The following CRISP3 variants were observed in gnomAD, a reference collection of about 807,000 sequenced individuals.
CRISP3 encodes cysteine rich secretory protein 3, also known as cysteine-rich secretory protein 3.
CRISP3 carries 33 observed loss-of-function variants against 36.1 expected under a neutral mutation model. The ratio of observed to expected loss-of-function variants is 0.91; its 90% CI spans 0.69 to 1.22. The LOEUF (loss-of-function observed/expected upper bound fraction) is 1.22. Ranked by LOEUF, CRISP3 falls within the 50% of genes most tolerant of loss-of-function variation. CRISP3 has a pLI of 0.00. For missense variants in CRISP3, 330 were observed against 301.2 expected (o/e 1.10, Z -0.71); for synonymous variants, 117 against 104.6 (o/e 1.12, Z -0.72).
intron 2 of CRISP3, among the ~76,000 whole-genome samples, chr6:49,737,108 T>C (rs1769073808): frequency 6.6e-6 from 1 of 152,150 alleles, no homozygotes; most frequent in Non-Finnish European, 1.5e-5. Context: ...AGCAAAGTCA[T>C]TTAATTAATG....
At chr6:49,742,138 A>C (rs1769221829) in intron 1 of CRISP3, among the ~76,000 whole-genome samples, 1 of 151,952 alleles carries the variant, frequency 6.6e-6, no homozygotes, top group Non-Finnish European at 1.5e-5. Context: ...CAACAAAACA[A>C]ATTTAAAAAT....
chr6:49,729,001 T>C (rs1490795875), intron 7 of CRISP3, 144 bp from the exon 8 acceptor site: 5 of 638,630 alleles, frequency 7.8e-6, no homozygotes, highest in Non-Finnish European at 1.3e-5. Context: ...ATTTTATATC[T>C]TGAGGGACAC....
intron 1 of CRISP3, among the ~76,000 whole-genome samples, chr6:49,739,818 G>C (rs1266440737): frequency 6.6e-6 from 1 of 152,064 alleles, no homozygotes; most frequent in East Asian, 1.9e-4. Context: ...ATTTCTAAGT[G>C]TATTAGTTAT....
intron 7 of CRISP3, 125 bp downstream of exon 7, chr6:49,731,037 CT>C (rs139721085): frequency 0.052 from 32,999 of 635,954 alleles, 921 homozygotes; most frequent in Middle Eastern, 0.063. Context: ...GCCAGACAGA[CT>C]TTTTTTTCCT....
At chr6:49,733,918 A>T in intron 4 of CRISP3, 70 bp from the exon 5 acceptor site, 2 of 1,298,064 alleles carry the variant, frequency 1.5e-6, no homozygotes, top group Non-Finnish European at 2.2e-6. Flanking sequence ...ACAAACACAC[A>T]CACACTACAC....
chr6:49,734,797 T>C (rs1384833266), intron 4 of CRISP3, among the ~76,000 whole-genome samples: 1 of 152,164 alleles, frequency 6.6e-6, no homozygotes. Flanking sequence ...CCTTTACCTA[T>C]GTTATTTTTG....
At chr6:49,736,607 G>A (rs548262848) in intron 2 of CRISP3, 100 bp from the exon 3 acceptor site, 2 of 873,928 alleles carry the variant, frequency 2.3e-6, no homozygotes, top group South Asian at 2.8e-5. Flanking sequence ...TTTTTAAAAA[G>A]TGTTGCCAAT....
At chr6:49,740,953 T>C (rs891021098) in intron 1 of CRISP3, among the ~76,000 whole-genome samples, 2 of 151,402 alleles carry the variant, frequency 1.3e-5, no homozygotes, top group Non-Finnish European at 2.9e-5. Flanking sequence ...TACAAAAAAT[T>C]AGCCGGGCAT....
At position 49,736,513 on chromosome 6, in the gene CRISP3, G is replaced by A. The variant is rs1188286230; in HGVS notation, c.112-6C>T. The A allele has an allele frequency of 1.9e-6, 3 of 1,581,434 alleles. No individual in the cohort carries two copies. The highest frequency in any genetic ancestry group is 1.3e-5 in the African/African-American group (1 of 74,244). ...AAAGCAGTAAAAGCGGGATCCTAAGGGAAAATAAAATTACAATTATCTTTT... is the reference window on the plus strand; with the variant it reads ...AAAGCAGTAAAAGCGGGATCCTAAGAGAAAATAAAATTACAATTATCTTTT... On this transcript the variant is annotated splice_region_variant and splice_polypyrimidine_tract_variant and intron_variant, in intron 2 of 7. Coordinates refer to ENST00000263045, the MANE Select transcript of CRISP3 (RefSeq NM_006061.4).
At chr6:49,732,859 C>A (rs550295242) in intron 6 of CRISP3, among the ~76,000 whole-genome samples, 1 of 152,118 alleles carries the variant, frequency 6.6e-6, no homozygotes, top group Non-Finnish European at 1.5e-5. Flanking sequence ...TCCAGTTTCT[C>A]GTGTGTAAAC....
chr6:49,737,957 TA>T (rs1769102647), intron 1 of CRISP3, among the ~76,000 whole-genome samples: 1 of 152,124 alleles, frequency 6.6e-6, no homozygotes, highest in Admixed American at 6.5e-5. Flanking sequence ...ATATGCTTTT[TA>T]TGCATACCTT....
chr6:49,741,137 C>A (rs1652136), intron 1 of CRISP3, among the ~76,000 whole-genome samples: 52,821 of 98,462 alleles, frequency 0.54, 10,510 homozygotes, highest in Non-Finnish European at 0.58. Flanking sequence ...AAAAAACAAA[C>A]AAAAAAAAAC....
At chr6:49,737,303 A>G (rs1178274171) in intron 2 of CRISP3, 22 bp downstream of exon 2, 3 of 1,608,364 alleles carry the variant, frequency 1.9e-6, no homozygotes, top group Admixed American at 1.7e-5. Context: ...ATTTTTCTGA[A>G]GATTTTTGAC....
At chr6:49,731,280 T>A in intron 6 of CRISP3, 29 bp from the exon 7 acceptor site, 2 of 1,472,740 alleles carry the variant, frequency 1.4e-6, no homozygotes, top group Non-Finnish European at 1.9e-6. Flanking sequence ...ATGTCAAATA[T>A]TTTTCATTTT....
chr6:49,729,562 A>T (rs1458399589), intron 7 of CRISP3, among the ~76,000 whole-genome samples: 1 of 152,126 alleles, frequency 6.6e-6, no homozygotes, highest in Admixed American at 6.6e-5. Flanking sequence ...TTTCCTTATT[A>T]TTTCCCAACA....
chr6:49,742,357 C>A (rs540855287), intron 1 of CRISP3, among the ~76,000 whole-genome samples: 1 of 151,938 alleles, frequency 6.6e-6, no homozygotes, highest in Non-Finnish European at 1.5e-5. Context: ...ATTGCTTGGG[C>A]GCAGTGGCTC....
intron 4 of CRISP3, among the ~76,000 whole-genome samples, chr6:49,734,359 A>T (rs1490773861): frequency 6.6e-6 from 1 of 152,194 alleles, no homozygotes; most frequent in Non-Finnish European, 1.5e-5. Context: ...AGCCCTAAAC[A>T]TGAAGCAAAT....
rs112281935 is a variant in CRISP3, at chr6:49,736,593, A to C, written c.112-86T>G. On this transcript the variant is annotated intron_variant, in intron 2 of 7. Transcript: ENST00000263045. The stretch of plus-strand genomic sequence containing the variant: ...ACTATGTTAGTTCAAGGGAACAAAG[A>C]CCATTTTTAAAAAGTGTTGCCAATG... The C allele has an allele frequency of 1.6e-3, 1,575 of 974,314 alleles. 13 individuals carry two copies. In the African/African-American group the frequency reaches 0.021, roughly 13 times the overall value. 60.4% of individuals were successfully genotyped at this position (974,314 alleles called of 1,614,324 possible). A position where few individuals can be genotyped will look rare whatever the true frequency, so the allele number is the denominator to read the frequency against.
chr6:49,732,725 A>G (rs1768945315), intron 6 of CRISP3, among the ~76,000 whole-genome samples: 1 of 152,182 alleles, frequency 6.6e-6, no homozygotes, highest in African/African-American at 2.4e-5. Context: ...TTCTTAATGT[A>G]TAATGTGAAA....
Sources: gnomAD v4.1 joint callset for allele counts (sites outside exome capture counted in the v4.1 genomes callset) on GRCh38, gnomAD v4.1.1 for gene constraint, MANE v1.5 for transcripts, NCBI Gene and HGNC (gene_info 2026-07-23, HGNC 2026-07-21) for gene names.